The following LRRC4C variants were observed in gnomAD, a reference collection of about 807,000 sequenced individuals.
The protein encoded by LRRC4C is leucine rich repeat containing 4C, also known as leucine-rich repeat-containing protein 4C.
A neutral mutation model predicts 33.6 loss-of-function variants in LRRC4C; 5 were observed. The ratio of observed to expected loss-of-function variants is 0.15; its 90% CI spans 0.08 to 0.31. The LOEUF (loss-of-function observed/expected upper bound fraction) is 0.31. Ranked by LOEUF, LRRC4C falls within the 10% of genes least tolerant of loss-of-function variation. LRRC4C has a pLI of 1.00. For synonymous variants in LRRC4C, 329 were observed against 302.0 expected (o/e 1.09, Z -0.93); for missense variants, 560 against 796.7 (o/e 0.70, Z 3.58).
chr11:41,148,695 T>C (rs931873048), intron 1 of LRRC4C, among the ~76,000 whole-genome samples: 1 of 152,006 alleles, frequency 6.6e-6, no homozygotes, highest in Non-Finnish European at 1.5e-5. Flanking sequence ...TAGCACAGCA[T>C]TTAGGAGCCC....
At chr11:41,055,671 T>A (rs994893812) in intron 1 of LRRC4C, among the ~76,000 whole-genome samples, 1 of 152,134 alleles carries the variant, frequency 6.6e-6, no homozygotes, top group African/African-American at 2.4e-5. Context: ...CAAAATTATG[T>A]CTCTGTAAAG....
intron 1 of LRRC4C, among the ~76,000 whole-genome samples, chr11:41,273,177 C>T (rs1949372831): frequency 6.6e-6 from 1 of 152,044 alleles, no homozygotes; most frequent in South Asian, 2.1e-4. Context: ...AATTGAATCC[C>T]TTATACACTA....
chr11:40,125,516 G>A (rs1856153328), intron 6 of LRRC4C, among the ~76,000 whole-genome samples: 1 of 151,814 alleles, frequency 6.6e-6, no homozygotes, highest in African/African-American at 2.4e-5. Flanking sequence ...GTTACATGCA[G>A]CCAAACCTAT....
At chr11:40,987,582 T>C (rs1232372260) in intron 1 of LRRC4C, among the ~76,000 whole-genome samples, 1 of 147,848 alleles carries the variant, frequency 6.8e-6, no homozygotes, top group African/African-American at 2.5e-5. Flanking sequence ...ATTGCTTAAC[T>C]GGTCATCTAC....
At chr11:40,595,996 T>C in intron 3 of LRRC4C, among the ~76,000 whole-genome samples, 1 of 152,034 alleles carries the variant, frequency 6.6e-6, no homozygotes. Context: ...ACACCAGATA[T>C]TAGATGTCTG....
intron 3 of LRRC4C, among the ~76,000 whole-genome samples, chr11:40,620,478 A>C (rs561623376): frequency 6.6e-6 from 1 of 151,764 alleles, no homozygotes; most frequent in Non-Finnish European, 1.5e-5. Context: ...TAGCTCCCTG[A>C]ATTTCTTTGA....
chr11:40,915,448 G>C (rs1956913467), intron 2 of LRRC4C, among the ~76,000 whole-genome samples: 1 of 152,080 alleles, frequency 6.6e-6, no homozygotes, highest in Non-Finnish European at 1.5e-5. Context: ...AATGAGAAAA[G>C]GATTCCCTAT....
intron 1 of LRRC4C, among the ~76,000 whole-genome samples, chr11:41,005,965 T>TCTCCCTTC (rs1190245759): frequency 6.6e-6 from 1 of 151,940 alleles, no homozygotes; most frequent in Admixed American, 6.6e-5. Flanking sequence ...TCCCTCCCTT[T>TCTCCCTTC]CTCCCTTCCT....
intron 3 of LRRC4C, among the ~76,000 whole-genome samples, chr11:40,606,684 A>T (rs1015100879): frequency 1.3e-5 from 2 of 152,172 alleles, no homozygotes; most frequent in Non-Finnish European, 2.9e-5. Context: ...AGAAAATATA[A>T]GAAAAAAATA....
At chr11:41,318,105 G>T (rs1950849130) in intron 1 of LRRC4C, among the ~76,000 whole-genome samples, 1 of 152,078 alleles carries the variant, frequency 6.6e-6, no homozygotes, top group South Asian at 2.1e-4. Flanking sequence ...TATATTATTG[G>T]AAAAATCAAG....
At chr11:40,209,219 T>G (rs563550368) in intron 5 of LRRC4C, among the ~76,000 whole-genome samples, 1 of 152,336 alleles carries the variant, frequency 6.6e-6, no homozygotes, top group Non-Finnish European at 1.5e-5. Context: ...CCAAGGTAGC[T>G]GTTTCACAAC....
chr11:40,807,823 A>T (rs1951318407), intron 2 of LRRC4C, among the ~76,000 whole-genome samples: 1 of 152,200 alleles, frequency 6.6e-6, no homozygotes, highest in Non-Finnish European at 1.5e-5. Context: ...CAAAGCTTTG[A>T]TTTAGATATT....
intron 1 of LRRC4C, among the ~76,000 whole-genome samples, chr11:41,370,340 T>A (rs1366444296): frequency 6.6e-6 from 1 of 152,082 alleles, no homozygotes; most frequent in Non-Finnish European, 1.5e-5. Context: ...TGTACCACCA[T>A]CCCCAGTGAT....
chr11:40,510,676 T>C (rs1375358536), intron 3 of LRRC4C, among the ~76,000 whole-genome samples: 2 of 152,170 alleles, frequency 1.3e-5, no homozygotes, highest in South Asian at 2.1e-4. Context: ...TAAGCCTAAA[T>C]AGCAACTCAC....
At chr11:41,039,550 G>T (rs1324184476) in intron 1 of LRRC4C, among the ~76,000 whole-genome samples, 1 of 152,106 alleles carries the variant, frequency 6.6e-6, no homozygotes, top group African/African-American at 2.4e-5. Context: ...CCAGAAATAG[G>T]CTATTAGGAC....
chr11:41,409,767 T>C (rs543970793), intron 1 of LRRC4C, among the ~76,000 whole-genome samples: 22 of 152,260 alleles, frequency 1.4e-4, no homozygotes, highest in Middle Eastern at 3.4e-3. Flanking sequence ...CTGTATAATA[T>C]ACCTGTCAAT....
rs12271641 is a variant in LRRC4C at position 41,302,962 on chromosome 11, G to A, written c.-496+156469C>T. Among the ~76,000 whole-genome samples, 847 of 152,200 alleles carry A rather than the reference G, an allele frequency of 5.6e-3. 10 individuals are homozygous for A. The highest frequency in any genetic ancestry group is 0.02 in the African/African-American group (812 of 41,526). On this transcript the variant is annotated intron_variant, in intron 1 of 6. Coordinates refer to ENST00000528697, the MANE Select transcript of LRRC4C (RefSeq NM_001258419.2). ...TACCAATGACTTTCCAAGTCATAAC[G>A]GAGCCTGAGGCAAAAGCAAAAATCA...
chr11:41,350,306 C>T (rs1377418787), intron 1 of LRRC4C, among the ~76,000 whole-genome samples: 6 of 152,036 alleles, frequency 3.9e-5, no homozygotes, highest in Middle Eastern at 6.8e-3. Flanking sequence ...GTCAGGAGAT[C>T]GAGACCATCC....
chr11:41,322,025 T>C (rs1429946957), intron 1 of LRRC4C, among the ~76,000 whole-genome samples: 5 of 151,958 alleles, frequency 3.3e-5, no homozygotes, highest in Admixed American at 1.3e-4. Flanking sequence ...CCACCATGCC[T>C]GGCTAATTTT....
Sources: allele counts gnomAD v4.1 joint callset (sites outside exome capture counted in the v4.1 genomes callset), GRCh38; gene constraint gnomAD v4.1.1; transcripts MANE v1.5; gene names NCBI Gene and HGNC (gene_info 2026-07-23, HGNC 2026-07-21).